The following LARGE1 variants were observed in gnomAD, a reference collection of about 807,000 sequenced individuals.
The protein encoded by LARGE1 is LARGE xylosyl- and glucuronyltransferase 1, also known as xylosyl- and glucuronyltransferase LARGE1.
Under a neutral mutation model 87.6 loss-of-function variants are expected in LARGE1, and 43 were observed. The ratio of observed to expected loss-of-function variants is 0.49; its 90% CI spans 0.38 to 0.63. The LOEUF is 0.63. LARGE1 is among the 30% of genes least tolerant of loss of function. LARGE1 has a pLI of 0.00. For synonymous variants in LARGE1, 434 were observed against 394.6 expected, an observed-to-expected ratio of 1.10 and a Z score of -1.18; for missense variants, 802 against 1,000.2, an observed-to-expected ratio of 0.80 and a Z score of 2.67.
At chr22:33,280,595 G>C (rs1014868986) in intron 13 of LARGE1, among the ~76,000 whole-genome samples, 3 of 152,178 alleles carry the variant, frequency 2.0e-5, no homozygotes, top group African/African-American at 7.2e-5. Context: ...AGTTTAGCCT[G>C]GACACTGGCA....
chr22:33,762,918 C>T (rs150859349), intron 1 of LARGE1, among the ~76,000 whole-genome samples: 345 of 152,350 alleles, frequency 2.3e-3, no homozygotes, highest in African/African-American at 8.1e-3. Flanking sequence ...AACTCACCCA[C>T]TGCACACAGC....
chr22:33,367,427 T>G (rs2064637677), intron 9 of LARGE1, among the ~76,000 whole-genome samples: 1 of 152,220 alleles, frequency 6.6e-6, no homozygotes, highest in East Asian at 1.9e-4. Flanking sequence ...CTGTTGTGTT[T>G]TGTTTTTAGA....
chr22:33,313,003 A>T (rs913381316), intron 11 of LARGE1, among the ~76,000 whole-genome samples: 2 of 152,194 alleles, frequency 1.3e-5, no homozygotes, highest in South Asian at 2.1e-4. Flanking sequence ...ACTCTGGGAC[A>T]CCAGTTGGGT....
rs116724827 is a variant in LARGE1, at chr22:33,790,191, C to T, written c.-82-28633G>A. ...TGAGAATTTTACAAATGGGAGTTCC[C>T]CTGCACAACCTCTCTTTCCTGCCAC... On this transcript the variant is annotated intron_variant, in intron 1 of 14. Coordinates refer to ENST00000397394, the MANE Select transcript of LARGE1 (RefSeq NM_133642.5). Among the ~76,000 whole-genome samples the T allele has an allele frequency of 4.5e-3, 682 of 152,234 alleles. 3 individuals carry two copies. The highest frequency in any genetic ancestry group is 0.015 in the African/African-American group (627 of 41,540).
intron 11 of LARGE1, among the ~76,000 whole-genome samples, chr22:33,183,933 C>T (rs116328629): frequency 0.012 from 1,883 of 151,824 alleles, 42 homozygotes; most frequent in African/African-American, 0.042. Flanking sequence ...ATTGAATGCA[C>T]AGAATGGTGA....
chr22:33,105,971 T>C, the LARGE1 span: 1 of 152,242 alleles, frequency 6.6e-6, no homozygotes, highest in African/African-American at 2.4e-5. Context: ...ATGATACCCT[T>C]ACCTGCTGAG....
intron 11 of LARGE1, among the ~76,000 whole-genome samples, chr22:33,210,197 C>T (rs562463794): frequency 2.0e-5 from 3 of 152,364 alleles, no homozygotes; most frequent in Non-Finnish European, 2.9e-5. Flanking sequence ...CAACCTTGGT[C>T]CTTGACCCAG....
At chr22:33,848,349 C>A (rs539284415) in intron 1 of LARGE1, among the ~76,000 whole-genome samples, 1 of 152,068 alleles carries the variant, frequency 6.6e-6, no homozygotes, top group East Asian at 1.9e-4. Flanking sequence ...GGTGGATAAG[C>A]GGTTTTTAAA....
chr22:33,355,325 C>T (rs928902956), intron 9 of LARGE1, among the ~76,000 whole-genome samples: 3 of 152,200 alleles, frequency 2.0e-5, no homozygotes, highest in Admixed American at 6.5e-5. Flanking sequence ...GTTTGTAAGG[C>T]TCTTTCAGGG....
intron 1 of LARGE1, among the ~76,000 whole-genome samples, chr22:33,910,763 G>A (rs2065612092): frequency 6.6e-6 from 1 of 152,176 alleles, no homozygotes; most frequent in South Asian, 2.1e-4. Context: ...ATGGGGGGTT[G>A]GATCCAGCAA....
At chr22:33,310,035 T>C (rs954536339) in intron 11 of LARGE1, among the ~76,000 whole-genome samples, 2 of 152,204 alleles carry the variant, frequency 1.3e-5, no homozygotes, top group Non-Finnish European at 2.9e-5. Flanking sequence ...GTCAGTGCTT[T>C]CAAATGTAAG....
chr22:33,804,303 T>C (rs754027648), intron 1 of LARGE1, among the ~76,000 whole-genome samples: 7 of 152,202 alleles, frequency 4.6e-5, no homozygotes, highest in Non-Finnish European at 8.8e-5. Flanking sequence ...TGATCTCTAA[T>C]AGCCAACGTA....
In LARGE1 at chr22:33,214,792, A is replaced by G. The variant is rs1017935705; in HGVS notation, c.1731-47960T>C. Reference sequence around the variant, plus strand: ...TGAAATTATCTGTTTTCGCCAACCTAAGGCAGAATTAGAATTTTCTGGGGC... The same window carrying G: ...TGAAATTATCTGTTTTCGCCAACCTGAGGCAGAATTAGAATTTTCTGGGGC... On this transcript the variant is annotated intron_variant, in intron 11 of 11. Coordinates refer to the LARGE1 transcript ENST00000608642. Among the ~76,000 whole-genome samples the G allele has an allele frequency of 3.3e-5, 5 of 152,176 alleles. No homozygotes were observed. In the South Asian group the frequency reaches 1.0e-3, roughly 32 times the overall value.
chr22:33,719,602 C>T (rs975247417), intron 2 of LARGE1, among the ~76,000 whole-genome samples: 1 of 151,830 alleles, frequency 6.6e-6, no homozygotes, highest in Non-Finnish European at 1.5e-5. Context: ...CTCATTGCAA[C>T]CTCCGCCTCC....
At chr22:33,756,202 G>C (rs932250355) in intron 2 of LARGE1, among the ~76,000 whole-genome samples, 4 of 152,156 alleles carry the variant, frequency 2.6e-5, no homozygotes, top group Admixed American at 6.5e-5. Context: ...GATGAGACCT[G>C]TCAGTACTCA....
intron 6 of LARGE1, among the ~76,000 whole-genome samples, chr22:33,480,169 C>T (rs143062659): frequency 2.6e-5 from 4 of 152,230 alleles, no homozygotes; most frequent in African/African-American, 7.2e-5. Flanking sequence ...GAATGACAAC[C>T]GAGGCGCAAG....
At chr22:33,531,314 T>A (rs986996890) in intron 6 of LARGE1, among the ~76,000 whole-genome samples, 3 of 149,636 alleles carry the variant, frequency 2.0e-5, no homozygotes, top group Admixed American at 6.8e-5. Context: ...CCCGCCACCA[T>A]GCCCAGCTAA....
At chr22:33,802,513 G>A (rs985541392) in intron 1 of LARGE1, among the ~76,000 whole-genome samples, 7 of 152,130 alleles carry the variant, frequency 4.6e-5, no homozygotes, top group South Asian at 2.1e-4. Context: ...ATTAACCTTC[G>A]GGGAACTCAC....
chr22:33,590,628 A>C (rs1274330183), intron 5 of LARGE1, among the ~76,000 whole-genome samples: 1 of 152,138 alleles, frequency 6.6e-6, no homozygotes, highest in Non-Finnish European at 1.5e-5. Context: ...ACATCAATGG[A>C]ACCATTTACC....
Sources: gnomAD v4.1 joint callset for allele counts (sites outside exome capture counted in the v4.1 genomes callset) on GRCh38, gnomAD v4.1.1 for gene constraint, MANE v1.5 for transcripts, NCBI Gene and HGNC (gene_info 2026-07-23, HGNC 2026-07-21) for gene names.